Variants in LRRK2 observed in about 807,000 individuals in gnomAD.
The protein encoded by LRRK2 is leucine rich repeat kinase 2.
In LRRK2, 203 loss-of-function variants were observed where a neutral mutation model predicts 302.6. The observed-to-expected ratio is 0.67, with a 90% CI of 0.60 to 0.75. The LOEUF (loss-of-function observed/expected upper bound fraction) is 0.75. Among genes scored for constraint, LRRK2 ranks in the 30% least tolerant of loss-of-function variants. LRRK2 has a pLI of 0.00. For missense variants in LRRK2, 2,830 were observed against 2,951.0 expected (o/e 0.96, Z 0.95); for synonymous variants, 1,066 against 1,031.9 (o/e 1.03, Z -0.63).
At chr12:40,331,517 C>T (rs59493060) in intron 39 of LRRK2, among the ~76,000 whole-genome samples, 2,066 of 152,064 alleles carry the variant, frequency 0.014, 49 homozygotes, top group African/African-American at 0.045. Context: ...CTTCCCTGGG[C>T]CGTATTGGAA....
chr12:40,367,122 G>T, intron 50 of LRRK2, 45 bp downstream of exon 50: 1 of 1,364,180 alleles, frequency 7.3e-7, no homozygotes, highest in South Asian at 1.2e-5. Context: ...GCAATGATGT[G>T]AATGATGGTA....
intron 2 of LRRK2, chr12:40,227,882 T>A (rs1342281155): frequency 6.6e-6 from 1 of 152,130 alleles, no homozygotes. Flanking sequence ...CTTTTTTTAC[T>A]TTTTGTAGAG....
intron 41 of LRRK2, among the ~76,000 whole-genome samples, chr12:40,345,063 GAACTGTTTCCA>G (rs1946152191): frequency 6.6e-6 from 1 of 152,046 alleles, no homozygotes; most frequent in Non-Finnish European, 1.5e-5. Flanking sequence ...CTGTCAAATA[GAACTGTTTCCA>G]AATTCAGTCA....
chr12:40,259,714 T>G, intron 13 of LRRK2, 110 bp downstream of exon 13: 1 of 1,370,058 alleles, frequency 7.3e-7, no homozygotes, highest in South Asian at 1.2e-5. Flanking sequence ...TTCTGTCGAC[T>G]AAATGTAAAT....
At chr12:40,262,376 T>C (rs1565690558) in intron 13 of LRRK2, among the ~76,000 whole-genome samples, 1 of 152,136 alleles carries the variant, frequency 6.6e-6, no homozygotes, top group African/African-American at 2.4e-5. Context: ...AACTGAGGCA[T>C]AGAATTGTAG....
At position 40,298,833 on chromosome 12, in the gene LRRK2, T is replaced by A. The variant is rs1485259709; in HGVS notation, c.3348-276T>A. ...ATTATAATATATAATACATATATTA[T>A]ATATATTTATTATATATAATACCTA... On this transcript the variant is annotated intron_variant, in intron 24 of 50. Transcript: ENST00000298910. Among the ~76,000 whole-genome samples the A allele has an allele frequency of 1.3e-3, 168 of 125,926 alleles. 1 individual carries two copies. Among genetic ancestry groups the A allele is most frequent in the African/African-American group, 4.5e-3 (148 of 33,048 alleles). 82.6% of individuals were successfully genotyped at this position (125,926 alleles called of 152,430 possible). A position where few individuals can be genotyped will look rare whatever the true frequency, so the allele number is the denominator to read the frequency against.
At chr12:40,255,062 T>C (rs930366110) in intron 11 of LRRK2, among the ~76,000 whole-genome samples, 1 of 152,176 alleles carries the variant, frequency 6.6e-6, no homozygotes, top group Non-Finnish European at 1.5e-5. Flanking sequence ...TTGTGTGACA[T>C]TTTTCCTATT....
At chr12:40,252,861 ATAGT>A (rs1166836900) in intron 10 of LRRK2, 45 bp from the exon 11 acceptor site, 1 of 1,203,266 alleles carries the variant, frequency 8.3e-7, no homozygotes, top group Non-Finnish European at 1.2e-6. Flanking sequence ...AGAATTTGAG[ATAGT>A]TATTTAAAAG....
rs369306296 is a variant in LRRK2, at chr12:40,351,580, G to A, written c.6423G>A (p.Thr2141=). ...ATTCAGCTGAATTAGTCTGTCTGACGAGACGCATTTTATTACCTAAAAACG... is the reference window on the plus strand; with the variant it reads ...ATTCAGCTGAATTAGTCTGTCTGACAAGACGCATTTTATTACCTAAAAACG... ...ILNSAELVCL[T]RRILLPKNVI... Residue 2141 remains threonine, a synonymous_variant, in exon 44 of 51, where the codon ACG becomes ACA. Transcript: ENST00000298910. The A allele has an allele frequency of 8.7e-6, 14 of 1,614,086 alleles. No individual in the cohort carries two copies. Among genetic ancestry groups the A allele is most frequent in the African/African-American group, 1.3e-5 (1 of 75,000 alleles).
chr12:40,270,177 TA>T (rs1943175862), intron 14 of LRRK2, among the ~76,000 whole-genome samples: 1 of 152,172 alleles, frequency 6.6e-6, no homozygotes, highest in African/African-American at 2.4e-5. Context: ...CTATTAGATT[TA>T]AAAGTATCTT....
At chr12:40,285,092 A>G (rs1943866777) in intron 19 of LRRK2, among the ~76,000 whole-genome samples, 1 of 151,892 alleles carries the variant, frequency 6.6e-6, no homozygotes, top group Admixed American at 6.6e-5. Context: ...GTGTACCCTT[A>G]CTTCCAGTCT....
intron 16 of LRRK2, among the ~76,000 whole-genome samples, 166 bp from the exon 17 acceptor site, chr12:40,277,722 G>T (rs1037228714): frequency 8.6e-5 from 13 of 151,870 alleles, no homozygotes; most frequent in African/African-American, 3.1e-4. Flanking sequence ...AGAGAGAGAG[G>T]GAGTATTTAT....
intron 47 of LRRK2, among the ~76,000 whole-genome samples, chr12:40,361,758 C>G (rs1946715795): frequency 6.6e-6 from 1 of 151,982 alleles, no homozygotes; most frequent in South Asian, 2.1e-4. Flanking sequence ...AATATTTGCT[C>G]TCTTCTGAAC....
intron 40 of LRRK2, among the ~76,000 whole-genome samples, chr12:40,339,099 T>C (rs1945959010): frequency 6.6e-6 from 1 of 152,186 alleles, no homozygotes; most frequent in Admixed American, 6.6e-5. Context: ...CTCCAGGCCC[T>C]CATACAATTG....
In LRRK2 at chr12:40,305,952, C is replaced by G; in HGVS notation, c.3945C>G (p.Ala1315=). The G allele has an allele frequency of 6.2e-7, 1 of 1,608,798 alleles. No homozygotes were observed. The highest frequency in any genetic ancestry group is 1.1e-5 in the South Asian group (1 of 90,474). ...NFDFKHIGCK[A]KDIIRFLQQR... is the part of the protein sequence containing the mutation. The stretch of plus-strand genomic sequence containing the variant: ...ATTTTAAACATATAGGATGTAAAGC[C>G]AAAGACATCATAAGGTTAGATAATT... The change falls in exon 28 of 51, where the codon GCC becomes GCG. Residue 1315 remains alanine (A), a synonymous_variant. Coordinates refer to ENST00000298910, the MANE Select transcript of LRRK2 (RefSeq NM_198578.4).
Position 40,231,748 on chromosome 12 carries a change from TTA to T in LRRK2, c.238-517_238-516del, listed in dbSNP as rs933904025. Among the ~76,000 whole-genome samples the T allele has an allele frequency of 5.7e-4, 84 of 147,520 alleles. 1 individual carries two copies. The highest frequency in any genetic ancestry group is 1.6e-3 in the African/African-American group (66 of 40,718). On this transcript the variant is annotated intron_variant, in intron 2 of 50. Coordinates refer to ENST00000298910, the MANE Select transcript of LRRK2 (RefSeq NM_198578.4). ...TTCATAATTTAGAAATTATATGTAT[TTA>T]TATATATAAATTATATATATTATAT...
chr12:40,274,621 A>G lies in LRRK2; in HGVS notation c.1695A>G (p.Lys565=), dbSNP rs781128749. ...CTGGGATTCAGAAATGTGGATTAAA[A>G]GTAATTTCTTCTATTGTACATTTTC... ...GNPGIQKCGL[K]VISSIVHFPD... The change falls in exon 15 of 51, where the codon AAA becomes AAG. Residue 565 remains lysine (K), a synonymous_variant. Transcript: ENST00000298910. The G allele has an allele frequency of 6.2e-7, 1 of 1,613,950 alleles. No individual in the cohort carries two copies. The highest frequency in any genetic ancestry group is 8.5e-7 in the Non-Finnish European group (1 of 1,179,890).
In LRRK2 at chr12:40,259,498, AAT is replaced by A. The variant is rs780459369; in HGVS notation, c.1438_1439del (p.Met480GlyfsTer15). On this transcript the variant is annotated frameshift_variant, in exon 13 of 51. Transcript: ENST00000298910. LOFTEE classifies it high-confidence loss of function. ...TCCCCAGCAACACTTCCCTGGATAT[AAT>A]GGCAGCAGTGGTCCCCAAAATACTA... Reference protein sequence around the residue: ...FEGSNTSLDIMAAVVPKILTV... With the variant: ...FEGSNTSLDIXAAVVPKILTV... 2.5e-6 allele frequency: 4 copies of A among 1,613,300 alleles called. No homozygotes were observed. The South Asian group carries it at 4.4e-5, about 18-fold the overall frequency.
chr12:40,256,987 AT>A (rs1942545347), intron 11 of LRRK2, among the ~76,000 whole-genome samples: 2 of 152,316 alleles, frequency 1.3e-5, no homozygotes, highest in African/African-American at 4.8e-5. Context: ...CGGTGATTAC[AT>A]TAAAACCATC....
Sources: allele counts gnomAD v4.1 joint callset (sites outside exome capture counted in the v4.1 genomes callset), GRCh38; gene constraint gnomAD v4.1.1; transcripts MANE v1.5; gene names NCBI Gene and HGNC (gene_info 2026-07-23, HGNC 2026-07-21).